BBS9: variants seen among roughly 807,000 people sequenced by gnomAD.
BBS9 encodes the protein Bardet-Biedl syndrome 9.
A neutral mutation model predicts 117.7 loss-of-function variants in BBS9; 89 were observed. The ratio of observed to expected loss-of-function variants is 0.76; its 90% CI spans 0.64 to 0.90. The LOEUF is 0.90. BBS9 is among the 40% of genes least tolerant of loss of function. The pLI is 0.00. For missense variants in BBS9, 982 were observed against 1,042.2 expected (o/e 0.94, Z 0.80); for synonymous variants, 379 against 370.9 (o/e 1.02, Z -0.25).
chr7:33,213,696 A>G (rs1465033645), intron 5 of BBS9, among the ~76,000 whole-genome samples: 4 of 152,064 alleles, frequency 2.6e-5, no homozygotes, highest in Non-Finnish European at 4.4e-5. Context: ...TCAGCATGTA[A>G]TGAATCCTGC....
intron 21 of BBS9, among the ~76,000 whole-genome samples, chr7:33,599,334 A>T (rs1404629005): frequency 6.6e-6 from 1 of 151,894 alleles, no homozygotes; most frequent in Admixed American, 6.6e-5. Flanking sequence ...TTTGTTTGAA[A>T]CCTACCCTGC....
At chr7:33,515,495 T>G (rs2129032773) in intron 20 of BBS9, among the ~76,000 whole-genome samples, 1 of 152,350 alleles carries the variant, frequency 6.6e-6, no homozygotes, top group Non-Finnish European at 1.5e-5. Flanking sequence ...TTCAAAAACT[T>G]TCCTTTTCGA....
intron 19 of BBS9, among the ~76,000 whole-genome samples, chr7:33,392,076 T>G (rs2128766903): frequency 6.6e-6 from 1 of 152,234 alleles, no homozygotes; most frequent in East Asian, 1.9e-4. Flanking sequence ...TTAGTGAGAA[T>G]CTAATCTCCC....
intron 20 of BBS9, among the ~76,000 whole-genome samples, chr7:33,528,351 T>C (rs1849996041): frequency 6.6e-6 from 1 of 152,166 alleles, no homozygotes; most frequent in Non-Finnish European, 1.5e-5. Flanking sequence ...TGTTTTTGTT[T>C]TTTAACCTTT....
At chr7:33,397,192 A>G (rs1828124903) in intron 19 of BBS9, among the ~76,000 whole-genome samples, 1 of 152,194 alleles carries the variant, frequency 6.6e-6, no homozygotes, top group Admixed American at 6.5e-5. Context: ...AAGAAGACAT[A>G]CACGTGGCCA....
intron 9 of BBS9, among the ~76,000 whole-genome samples, chr7:33,305,106 C>T (rs957393205): frequency 1.3e-4 from 19 of 149,852 alleles, no homozygotes; most frequent in African/African-American, 2.7e-4. Flanking sequence ...TCCCCCTCTC[C>T]GAGAAACACC....
At chr7:33,336,390 T>C in intron 9 of BBS9, 51 bp from the exon 10 acceptor site, 1 of 1,438,450 alleles carries the variant, frequency 7.0e-7, no homozygotes, top group South Asian at 1.2e-5. Flanking sequence ...TGGTCAAGAC[T>C]AACTCTACTG....
intron 5 of BBS9, among the ~76,000 whole-genome samples, chr7:33,201,106 T>C (rs185948634): frequency 1.4e-4 from 22 of 152,188 alleles, no homozygotes; most frequent in South Asian, 4.1e-4. Flanking sequence ...ACTCTAGAGG[T>C]TTTTTTCACT....
intron 19 of BBS9, among the ~76,000 whole-genome samples, chr7:33,470,913 G>A (rs1026547501): frequency 2.6e-5 from 4 of 152,044 alleles, no homozygotes; most frequent in Non-Finnish European, 5.9e-5. Flanking sequence ...AGATGGGAGG[G>A]ATAGAAAACG....
chr7:33,492,216 A>AC lies in BBS9; in HGVS notation c.2116-13247_2116-13246insC, dbSNP rs1554506909. On this transcript the variant is annotated intron_variant, in intron 19 of 22. Coordinates refer to ENST00000242067, the MANE Select transcript of BBS9 (RefSeq NM_198428.3). ...AGATTCCACCTCGAAAAAAAAAACAAAAAAAAAACAAAAAAAAAACTTGGT... is the reference window on the plus strand; with the variant it reads ...AGATTCCACCTCGAAAAAAAAAACAACAAAAAAAACAAAAAAAAAACTTGGT... 3.4e-4 allele frequency among the ~76,000 whole-genome samples: 49 copies of AC among 146,120 alleles called. 7 individuals carry two copies. Among genetic ancestry groups the AC allele is most frequent in the African/African-American group, 1.1e-3 (41 of 36,852 alleles).
At chr7:33,189,531 C>G (rs1783701258) in intron 5 of BBS9, among the ~76,000 whole-genome samples, 1 of 151,824 alleles carries the variant, frequency 6.6e-6, no homozygotes, top group Non-Finnish European at 1.5e-5. Context: ...AAAAGAAATA[C>G]TTTATTAGAA....
At chr7:33,608,818 C>T (rs1487327521), downstream of BBS9, among the ~76,000 whole-genome samples, 1 of 151,996 alleles carries the variant, frequency 6.6e-6, no homozygotes, top group Middle Eastern at 3.2e-3. Flanking sequence ...TGTCTTTTTA[C>T]TCTGTTGATA....
intron 5 of BBS9, among the ~76,000 whole-genome samples, chr7:33,245,013 AAAGAAAAAGACTTTGTACCCAG>A (rs1300367245): frequency 6.6e-6 from 1 of 152,096 alleles, no homozygotes; most frequent in Non-Finnish European, 1.5e-5. Flanking sequence ...TTTGTATTGA[AAAGAAAAAGACTTTGTACCCAG>A]GCTCTAATAA....
Position 33,282,363 on chromosome 7 carries a change from A to G in BBS9, c.1016+8407A>G, listed in dbSNP as rs772451185. On this transcript the variant is annotated intron_variant, in intron 9 of 22. Coordinates refer to ENST00000242067, the MANE Select transcript of BBS9 (RefSeq NM_198428.3). ...AGAATAAAATTTACAAAACAGGACC[A>G]CATGAATTTTATTTTTAATTTTTTT... Among the ~76,000 whole-genome samples the G allele has an allele frequency of 3.3e-5, 5 of 152,166 alleles. No homozygotes were observed. The East Asian group carries it at 9.7e-4, about 30-fold the overall frequency.
At chr7:33,183,406 G>A (rs73687362) in intron 5 of BBS9, among the ~76,000 whole-genome samples, 2,577 of 152,218 alleles carry the variant, frequency 0.017, 62 homozygotes, top group African/African-American at 0.059. Context: ...CCTTTAAAAT[G>A]TACGTATAAC....
intron 17 of BBS9, among the ~76,000 whole-genome samples, chr7:33,368,481 A>G (rs567685439): frequency 1.3e-5 from 2 of 152,202 alleles, no homozygotes; most frequent in East Asian, 3.9e-4. Context: ...AGTATACTGA[A>G]GCTACTGAGC....
At chr7:33,171,935 G>A (rs1562729155) in intron 4 of BBS9, among the ~76,000 whole-genome samples, 1 of 152,048 alleles carries the variant, frequency 6.6e-6, no homozygotes, top group African/African-American at 2.4e-5. Context: ...GACATACCAG[G>A]TGCAATGGTC....
chr7:33,390,178 A>G (rs1416329697), intron 19 of BBS9: 2 of 883,564 alleles, frequency 2.3e-6, no homozygotes, highest in Non-Finnish European at 2.7e-6. Context: ...CCTGCCTGCC[A>G]TACTTGAGGC....
rs746340993 is a variant in BBS9, at chr7:33,146,272, G to T, written c.20G>T (p.Arg7Leu). 4 of 1,613,546 alleles carry T rather than the reference G, an allele frequency of 2.5e-6. No homozygotes were observed. In the Admixed American group the frequency reaches 5.0e-5, roughly 20 times the overall value. The change falls in exon 2 of 23, where the codon CGT becomes CTT. Residue 7 changes from arginine (R) to leucine (L), a missense_variant. Coordinates refer to ENST00000242067, the MANE Select transcript of BBS9 (RefSeq NM_198428.3). MSLFKA[R>L]DWWSTILGDK... is the part of the protein sequence containing the mutation. ...AAGAAAATGTCTTTATTTAAAGCCC[G>T]TGATTGGTGGTCTACTATTCTGGGA...
Sources: gnomAD v4.1 joint callset for allele counts (sites outside exome capture counted in the v4.1 genomes callset) on GRCh38, gnomAD v4.1.1 for gene constraint, MANE v1.5 for transcripts, NCBI Gene and HGNC (gene_info 2026-07-23, HGNC 2026-07-21) for gene names.